TM2D2: variants seen among roughly 807,000 people sequenced by gnomAD.
The protein encoded by TM2D2 is TM2 domain-containing protein 2.
Under a neutral mutation model 23.0 loss-of-function variants are expected in TM2D2, and 19 were observed. That is an observed-to-expected ratio of 0.82 (90% CI 0.58 to 1.21). The LOEUF is 1.21. Ranked by LOEUF, TM2D2 falls within the 50% of genes most tolerant of loss-of-function variation. TM2D2 has a pLI of 0.00. For missense variants in TM2D2, 246 were observed against 265.4 expected (o/e 0.93, Z 0.51); for synonymous variants, 120 against 108.8 (o/e 1.10, Z -0.64).
At chr8:38,995,912 C>A (rs534861388) in intron 1 of TM2D2, 1 of 809,236 alleles carries the variant, frequency 1.2e-6, no homozygotes, top group Non-Finnish European at 1.8e-6. Flanking sequence ...CTAATACTCT[C>A]CTTGGGCTAA....
Position 38,992,220 on chromosome 8 carries a change from C to T in TM2D2, c.432-675G>A, listed in dbSNP as rs1199092737. On this transcript the variant is annotated intron_variant, in intron 3 of 3. Coordinates refer to ENST00000456397, the MANE Select transcript of TM2D2 (RefSeq NM_078473.3). ...GTGGCTGATGCCTATAATCCCGGCA[C>T]TTTGGGAGGCCAAGATGAGAGGACC... Among the ~76,000 whole-genome samples, 4 of 142,886 alleles carry T rather than the reference C, an allele frequency of 2.8e-5. No individual in the cohort carries two copies. In the Admixed American group the frequency reaches 3.0e-4, roughly 11 times the overall value. The allele number at this position is 142,886 out of a possible 152,430, so 93.7% of individuals were successfully genotyped here.
rs896728892 is a variant in TM2D2, at chr8:38,990,474, G to A, written c.*858C>T. The A allele has an allele frequency of 6.6e-6, 1 of 152,214 alleles. No homozygotes were observed. 9.4% of individuals were successfully genotyped at this position (152,214 alleles called of 1,614,324 possible). A position where few individuals can be genotyped will look rare whatever the true frequency, so the allele number is the denominator to read the frequency against. On this transcript the variant is annotated 3_prime_UTR_variant, in exon 4 of 4. Transcript: ENST00000456397. ...AGAGGTGTGGCTGTTATCTCTTTCTGACTGCTGCAGCCCACAGGGAGAGCT... is the reference window on the plus strand; with the variant it reads ...AGAGGTGTGGCTGTTATCTCTTTCTAACTGCTGCAGCCCACAGGGAGAGCT...
chr8:38,995,354 T>C lies in TM2D2; in HGVS notation c.279A>G (p.Ala93=), dbSNP rs1835730422. The part of the protein sequence containing the change: ...CEDPVDHVGN[A]TASQELGYGC... The stretch of plus-strand genomic sequence containing the variant: ...CATAACCAAGTTCCTGGGATGCAGT[T>C]GCATTTCCAACATGATCCACTGGGT... The change falls in exon 2 of 4, where the codon GCA becomes GCG. Residue 93 remains alanine, a synonymous_variant. Coordinates refer to ENST00000456397, the MANE Select transcript of TM2D2 (RefSeq NM_078473.3). 1.2e-6 allele frequency: 2 copies of C among 1,605,800 alleles called. No individual in the cohort carries two copies. The highest frequency in any genetic ancestry group is 1.7e-6 in the Non-Finnish European group (2 of 1,177,578).
rs900644846 is a variant in TM2D2 at position 38,996,102 on chromosome 8, A to G, written c.227+111T>C. On this transcript the variant is annotated intron_variant, in intron 1 of 3. Coordinates refer to ENST00000456397, the MANE Select transcript of TM2D2 (RefSeq NM_078473.3). ...ATATTTGCCTCCGGAACGACCTCAG[A>G]GAGGCAGGGTCTGAAAAAATGCAGC... 4.6e-6 allele frequency: 6 copies of G among 1,295,332 alleles called. No individual in the cohort carries two copies. The African/African-American group carries it at 7.4e-5, about 16-fold the overall frequency. The allele number at this position is 1,295,332 out of a possible 1,614,324, so 80.2% of individuals were successfully genotyped here.
In TM2D2 at chr8:38,989,817, A is replaced by G. The variant is rs1437394372; in HGVS notation, c.*1515T>C. ...CATATGGCATCCTTGAACTCCCTTA[A>G]ACTCTTTTATTTGTATAAATTTATA... On this transcript the variant is annotated 3_prime_UTR_variant, in exon 4 of 4. Coordinates refer to ENST00000456397, the MANE Select transcript of TM2D2 (RefSeq NM_078473.3). The G allele has an allele frequency of 2.1e-5, 3 of 142,606 alleles. No individual in the cohort carries two copies. The highest frequency in any genetic ancestry group is 3.1e-5 in the African/African-American group (1 of 32,528). The allele number at this position is 142,606 out of a possible 1,614,324, so 8.8% of individuals were successfully genotyped here. A position where few individuals can be genotyped will look rare whatever the true frequency, so the allele number is the denominator to read the frequency against.
rs879848864 is a variant in TM2D2 at position 38,989,612 on chromosome 8, G to C, written c.*1720C>G. On this transcript the variant is annotated 3_prime_UTR_variant, in exon 4 of 4. Transcript: ENST00000456397. ...AGGGATTACAGGCTTGCACCATTGC[G>C]CTGGCCCTAAAGTTTCTTATTTTTT... The C allele has an allele frequency of 6.6e-6, 1 of 152,186 alleles. No individual in the cohort carries two copies. Among genetic ancestry groups the C allele is most frequent in the African/African-American group, 2.4e-5 (1 of 41,420 alleles). 9.4% of individuals were successfully genotyped at this position (152,186 alleles called of 1,614,324 possible). A position where few individuals can be genotyped will look rare whatever the true frequency, so the allele number is the denominator to read the frequency against.
At chr8:38,995,236 T>C (rs1835723294) in intron 2 of TM2D2, 82 bp downstream of exon 2, 2 of 1,052,982 alleles carry the variant, frequency 1.9e-6, no homozygotes, top group South Asian at 3.1e-5. Flanking sequence ...ACTTTGTACC[T>C]CTTATACTTT....
chr8:38,991,270 T>A lies in TM2D2; in HGVS notation c.*62A>T. 1 of 1,354,226 alleles carries A rather than the reference T, an allele frequency of 7.4e-7. No individual in the cohort carries two copies. The highest frequency in any genetic ancestry group is 1.0e-6 in the Non-Finnish European group (1 of 960,614). 83.9% of individuals were successfully genotyped at this position (1,354,226 alleles called of 1,614,324 possible). On this transcript the variant is annotated 3_prime_UTR_variant, in exon 4 of 4. Coordinates refer to ENST00000456397, the MANE Select transcript of TM2D2 (RefSeq NM_078473.3). ...ATATCAAAGAGGAGTTTTGAGCCTG[T>A]AGAGATGAATTCAGAAGACGGAGCT...
Position 38,995,428 on chromosome 8 carries a change from T to C in TM2D2, c.228-23A>G, listed in dbSNP as rs1313150770. 5.6e-6 allele frequency: 9 copies of C among 1,612,164 alleles called. No homozygotes were observed. The South Asian group carries it at 8.8e-5, about 16-fold the overall frequency. ...GGTCTGTAATTCACCAGTAAGATCA[T>C]GATCATCATCATACGGTCTTTGCAA... is the stretch of plus-strand genomic sequence containing the variant. On this transcript the variant is annotated intron_variant, in intron 1 of 3. Coordinates refer to ENST00000456397, the MANE Select transcript of TM2D2 (RefSeq NM_078473.3).
chr8:38,991,211 G>T lies in TM2D2; in HGVS notation c.*121C>A, dbSNP rs1237014817. The T allele has an allele frequency of 2.3e-6, 2 of 856,932 alleles. No homozygotes were observed. Among genetic ancestry groups the T allele is most frequent in the Non-Finnish European group, 3.6e-6 (2 of 552,880 alleles). The allele number at this position is 856,932 out of a possible 1,614,324, so 53.1% of individuals were successfully genotyped here. A position where few individuals can be genotyped will look rare whatever the true frequency, so the allele number is the denominator to read the frequency against. ...AAGAAGCCTTCTTAACCAAACAAAT[G>T]CCCTCCAAAAGAAGGAAAATAACAT... On this transcript the variant is annotated 3_prime_UTR_variant, in exon 4 of 4. Transcript: ENST00000456397.
In TM2D2 at chr8:38,996,312, T is replaced by C. The variant is rs1171135550; in HGVS notation, c.128A>G (p.Glu43Gly). ...CTGGGCGGCGCCAGCGGATGTGAGCTCAGGCTCAGCGGTCGCATTTTGCGA... is the reference window on the plus strand; with the variant it reads ...CTGGGCGGCGCCAGCGGATGTGAGCCCAGGCTCAGCGGTCGCATTTTGCGA... ...SHSQNATAEP[E>G]LTSAGAAQPE... The change falls in exon 1 of 4, where the codon GAG becomes GGG. Residue 43 changes from glutamate to glycine, a missense_variant. Glu to Gly is a moderately conservative substitution (Grantham distance 98). This residue lies in a region of TM2D2 where 212 missense variants were observed against 202.2 expected (regional missense o/e 1.05). Coordinates refer to ENST00000456397, the MANE Select transcript of TM2D2 (RefSeq NM_078473.3). The C allele has an allele frequency of 4.3e-6, 7 of 1,614,006 alleles. No homozygotes were observed. The highest frequency in any genetic ancestry group is 5.1e-6 in the Non-Finnish European group (6 of 1,180,012).
At position 38,988,955 on chromosome 8, in the gene TM2D2, A is replaced by G. The variant is rs1336653945; in HGVS notation, c.*2377T>C. The G allele has an allele frequency of 6.6e-6, 1 of 152,262 alleles. No individual in the cohort carries two copies. Among genetic ancestry groups the G allele is most frequent in the Non-Finnish European group, 1.5e-5 (1 of 68,052 alleles). 9.4% of individuals were successfully genotyped at this position (152,262 alleles called of 1,614,324 possible). ...ATATAACACACACATATACAAATGG[A>G]TCTGTCTACCAAAATTTAAGAAACA... On this transcript the variant is annotated 3_prime_UTR_variant, in exon 4 of 4. Transcript: ENST00000456397.
At position 38,989,766 on chromosome 8, in the gene TM2D2, TC is replaced by T. The variant is rs560518141; in HGVS notation, c.*1565del. ...TATTATAATTTATGTTTTTTAGACTTCCCTTAGAAATTTTTTTAAAATATAC... is the reference window on the plus strand; with the variant it reads ...TATTATAATTTATGTTTTTTAGACTTCCTTAGAAATTTTTTTAAAATATAC... On this transcript the variant is annotated 3_prime_UTR_variant, in exon 4 of 4. Coordinates refer to ENST00000456397, the MANE Select transcript of TM2D2 (RefSeq NM_078473.3). 5.3e-5 allele frequency: 8 copies of T among 152,178 alleles called. No individual in the cohort carries two copies. The highest frequency in any genetic ancestry group is 1.2e-4 in the Non-Finnish European group (8 of 68,020). The allele number at this position is 152,178 out of a possible 1,614,324, so 9.4% of individuals were successfully genotyped here.
At chr8:38,993,100 TG>T (rs1488870223) in intron 3 of TM2D2, among the ~76,000 whole-genome samples, 1 of 152,202 alleles carries the variant, frequency 6.6e-6, no homozygotes, top group African/African-American at 2.4e-5. Flanking sequence ...CTAGATCATC[TG>T]GCCCAAAATT....
intron 3 of TM2D2, among the ~76,000 whole-genome samples, chr8:38,991,861 G>A (rs1244151611): frequency 6.6e-6 from 1 of 152,178 alleles, no homozygotes; most frequent in Non-Finnish European, 1.5e-5. Flanking sequence ...GTTTCTGCAG[G>A]AAAGGCAAGA....
At chr8:38,996,077 A>G (rs1835773181) in intron 1 of TM2D2, 136 bp downstream of exon 1, 1 of 1,063,472 alleles carries the variant, frequency 9.4e-7, no homozygotes, top group Non-Finnish European at 1.3e-6. Flanking sequence ...CTGGTTCATG[A>G]TATTTGCCTC....
upstream of TM2D2, chr8:38,996,988 G>A (rs1271905826): frequency 6.5e-7 from 1 of 1,548,168 alleles, no homozygotes; most frequent in South Asian, 1.2e-5. Flanking sequence ...TGGGGCCCCG[G>A]CAGGGTTGGA....
chr8:38,992,547 T>C (rs186958074), intron 3 of TM2D2, among the ~76,000 whole-genome samples: 1 of 152,170 alleles, frequency 6.6e-6, no homozygotes, highest in East Asian at 1.9e-4. Flanking sequence ...TTTACTCTCC[T>C]CTAAGAATCT....
upstream of TM2D2, chr8:38,996,906 G>T (rs1277073629): frequency 6.9e-7 from 1 of 1,453,532 alleles, no homozygotes; most frequent in African/African-American, 1.4e-5. Flanking sequence ...CGAGGGCTCA[G>T]TTGCGTCAGT....
Sources: allele counts gnomAD v4.1 joint callset (sites outside exome capture counted in the v4.1 genomes callset), GRCh38; gene constraint gnomAD v4.1.1; regional missense constraint gnomAD v4.1.1; transcripts MANE v1.5; gene names NCBI Gene and HGNC (gene_info 2026-07-23, HGNC 2026-07-21).